Variants in NRG4 observed in about 807,000 individuals in gnomAD.
The protein encoded by NRG4 is neuregulin 4, also known as pro-neuregulin-4, membrane-bound isoform.
NRG4 carries 10 observed loss-of-function variants against 15.0 expected under a neutral mutation model. The ratio of observed to expected loss-of-function variants is 0.67; its 90% CI spans 0.41 to 1.13. The LOEUF is 1.13. Ranked by LOEUF, NRG4 falls within the 50% of genes most tolerant of loss-of-function variation. The pLI is 0.00. For missense variants in NRG4, 139 were observed against 140.2 expected (o/e 0.99, Z 0.04); for synonymous variants, 41 against 50.1 (o/e 0.82, Z 0.77).
intron 4 of NRG4, among the ~76,000 whole-genome samples, chr15:76,049,559 C>A (rs751651353): frequency 2.7e-5 from 4 of 150,858 alleles, no homozygotes; most frequent in Non-Finnish European, 5.9e-5. Flanking sequence ...AGGACAAACC[C>A]TTTTTACCCT....
chr15:75,971,736 A>G (rs2033102292), intron 3 of NRG4, among the ~76,000 whole-genome samples: 1 of 152,218 alleles, frequency 6.6e-6, no homozygotes, highest in African/African-American at 2.4e-5. Flanking sequence ...AAAGGTGCTA[A>G]ACTCAAATTC....
Position 75,941,960 on chromosome 15 carries a change from A to AAAAAAAAAAAAAC in NRG4, c.*1677_*1678insGTTTTTTTTTTTT, listed in dbSNP as rs142812746. On this transcript the variant is annotated 3_prime_UTR_variant, in exon 6 of 6. Transcript: ENST00000394907. ...ACCACCAAAAAAAAAAAAAAAAAAA[A>AAAAAAAAAAAAAC]ATATGGCCTAGCTTTTTTTTTTTTT... 2.1e-5 allele frequency: 2 copies of AAAAAAAAAAAAAC among 93,766 alleles called. No homozygotes were observed. Among genetic ancestry groups the AAAAAAAAAAAAAC allele is most frequent in the African/African-American group, 3.9e-5 (1 of 25,782 alleles). 5.8% of individuals were successfully genotyped at this position (93,766 alleles called of 1,614,324 possible).
intron 5 of NRG4, among the ~76,000 whole-genome samples, chr15:76,034,442 C>T (rs773740717): frequency 1.3e-5 from 2 of 152,130 alleles, no homozygotes; most frequent in Non-Finnish European, 2.9e-5. Flanking sequence ...TTTGTCATTG[C>T]CCTCTTTGGC....
intron 4 of NRG4, among the ~76,000 whole-genome samples, chr15:76,036,703 A>T (rs2035604510): frequency 6.6e-6 from 1 of 152,228 alleles, no homozygotes; most frequent in African/African-American, 2.4e-5. Context: ...CCTGGAACAT[A>T]GGAAGGATTC....
At chr15:76,055,333 T>TAA (rs947155813) in intron 2 of NRG4, among the ~76,000 whole-genome samples, 2 of 152,150 alleles carry the variant, frequency 1.3e-5, no homozygotes, top group African/African-American at 4.8e-5. Flanking sequence ...TATTATACCT[T>TAA]AAAATTTACA....
At chr15:75,988,381 T>G (rs1416409991) in intron 3 of NRG4, among the ~76,000 whole-genome samples, 1 of 152,144 alleles carries the variant, frequency 6.6e-6, no homozygotes, top group Non-Finnish European at 1.5e-5. Context: ...GAGATAGGGT[T>G]TCACCATTTT....
At chr15:76,015,145 T>C (rs574533447), upstream of NRG4, among the ~76,000 whole-genome samples, 1 of 152,298 alleles carries the variant, frequency 6.6e-6, no homozygotes, top group African/African-American at 2.4e-5. Flanking sequence ...GCTCTCTTTG[T>C]CTGTTATTGG....
chr15:76,021,047 A>C (rs1390429684), intron 5 of NRG4, among the ~76,000 whole-genome samples: 3 of 152,236 alleles, frequency 2.0e-5, no homozygotes, highest in South Asian at 2.1e-4. Flanking sequence ...TCTGGCTTCT[A>C]AGCTTCGAAG....
At chr15:76,000,351 C>T (rs1345749314) in intron 3 of NRG4, among the ~76,000 whole-genome samples, 2 of 151,992 alleles carry the variant, frequency 1.3e-5, no homozygotes, top group African/African-American at 2.4e-5. Context: ...ATATTATAGA[C>T]AAAAGGCTAA....
rs1028408096 is a variant in NRG4, at chr15:75,961,888, G to C, written c.191C>G (p.Ala64Gly). The C allele has an allele frequency of 3.1e-6, 5 of 1,613,562 alleles. No individual in the cohort carries two copies. The highest frequency in any genetic ancestry group is 4.2e-6 in the Non-Finnish European group (5 of 1,179,502). ...TACTAGGACCGCCAATGCCACAAAA[G>C]CTTCAAACAGGTTACTTTTAGTTTG... is the stretch of plus-strand genomic sequence containing the variant. ...SIQTKSNLFE[A>G]FVALAVLVTL... is the part of the protein sequence containing the mutation. The change falls in exon 4 of 6, where the codon GCT (alanine) becomes GGT (glycine). Residue 64 changes from alanine to glycine, a missense_variant. Physicochemically the swap from Ala to Gly is moderately conservative, Grantham distance 60. Coordinates refer to ENST00000394907, the MANE Select transcript of NRG4 (RefSeq NM_138573.4).
At chr15:76,037,819 G>A (rs980044947) in intron 4 of NRG4, among the ~76,000 whole-genome samples, 3 of 152,178 alleles carry the variant, frequency 2.0e-5, no homozygotes, top group East Asian at 1.9e-4. Flanking sequence ...TGTTGAAAAG[G>A]AGGTAGTGCA....
chr15:76,034,398 GC>G (rs2141945448), intron 5 of NRG4, among the ~76,000 whole-genome samples: 2 of 152,262 alleles, frequency 1.3e-5, no homozygotes, highest in African/African-American at 4.8e-5. Context: ...TAGTCAATCT[GC>G]TAGGTCCTGC....
chr15:76,040,697 C>A (rs1040660396), intron 4 of NRG4, among the ~76,000 whole-genome samples: 27 of 152,216 alleles, frequency 1.8e-4, no homozygotes, highest in Admixed American at 1.5e-3. Flanking sequence ...GCAGGCAGAT[C>A]ACAGATCATT....
intron 5 of NRG4, among the ~76,000 whole-genome samples, chr15:75,945,433 T>C (rs1162626063): frequency 6.6e-6 from 1 of 152,074 alleles, no homozygotes; most frequent in Non-Finnish European, 1.5e-5. Context: ...GTATTTTTAG[T>C]AGAGACAGGG....
intron 2 of NRG4, among the ~76,000 whole-genome samples, chr15:76,010,424 T>C (rs147694825): frequency 5.5e-4 from 83 of 152,236 alleles, no homozygotes; most frequent in African/African-American, 1.9e-3. Context: ...CACTAAGATA[T>C]CAATACTTGC....
chr15:75,953,195 T>C (rs2032016627), intron 5 of NRG4, among the ~76,000 whole-genome samples: 1 of 152,226 alleles, frequency 6.6e-6, no homozygotes, highest in African/African-American at 2.4e-5. Context: ...TTAATTTTTA[T>C]ATATGGTATG....
chr15:75,949,042 G>A (rs544091148), intron 5 of NRG4, among the ~76,000 whole-genome samples: 19 of 152,162 alleles, frequency 1.2e-4, no homozygotes, highest in Non-Finnish European at 2.2e-4. Flanking sequence ...GCAACAGAGC[G>A]AGACCCTGTC....
rs142812746 is a variant in NRG4, at chr15:75,941,960, A to AAAAAAAAAC, written c.*1677_*1678insGTTTTTTTT. ...ACCACCAAAAAAAAAAAAAAAAAAA[A>AAAAAAAAAC]ATATGGCCTAGCTTTTTTTTTTTTT... On this transcript the variant is annotated 3_prime_UTR_variant, in exon 6 of 6. Coordinates refer to ENST00000394907, the MANE Select transcript of NRG4 (RefSeq NM_138573.4). 16 of 93,764 alleles carry AAAAAAAAAC rather than the reference A, an allele frequency of 1.7e-4. No individual in the cohort carries two copies. The highest frequency in any genetic ancestry group is 2.3e-4 in the African/African-American group (6 of 25,806). The allele number at this position is 93,764 out of a possible 1,614,324, so 5.8% of individuals were successfully genotyped here. A position where few individuals can be genotyped will look rare whatever the true frequency, so the allele number is the denominator to read the frequency against.
chr15:76,027,892 C>T (rs866229760), intron 5 of NRG4, among the ~76,000 whole-genome samples: 1 of 151,896 alleles, frequency 6.6e-6, no homozygotes, highest in African/African-American at 2.4e-5. Flanking sequence ...TATACAAATA[C>T]ATGGAAATTA....
Sources: allele counts gnomAD v4.1 joint callset (sites outside exome capture counted in the v4.1 genomes callset), GRCh38; gene constraint gnomAD v4.1.1; transcripts MANE v1.5; gene names NCBI Gene and HGNC (gene_info 2026-07-23, HGNC 2026-07-21).